Variants in SYNE1 observed in about 807,000 individuals in gnomAD.
SYNE1 encodes the protein nesprin-1.
In SYNE1, 616 loss-of-function variants were observed where a neutral mutation model predicts 1,111.0. The observed-to-expected ratio is 0.55, with a 90% CI of 0.52 to 0.59. The LOEUF (loss-of-function observed/expected upper bound fraction) is 0.59, where lower values mean the gene tolerates loss of function less well. Among genes scored for constraint, SYNE1 ranks in the 20% least tolerant of loss-of-function variants. The probability of loss-of-function intolerance (pLI) is 0.00; values close to 1 mark genes in which losing one functional copy is unlikely to be tolerated. For missense variants in SYNE1, 10,006 were observed against 10,417.0 expected (o/e 0.96, Z 1.72); for synonymous variants, 3,855 against 3,825.8 (o/e 1.01, Z -0.28).
chr6:152,139,885 T>C, intron 140 of SYNE1, 65 bp downstream of exon 140: 2 of 1,572,986 alleles, frequency 1.3e-6, no homozygotes, highest in South Asian at 1.1e-5. Flanking sequence ...AGAGGTGCCA[T>C]CTGCACGGTC....
Position 152,206,390 on chromosome 6 carries a change from C to T in SYNE1, c.22825-28G>A, listed in dbSNP as rs757337651. The T allele has an allele frequency of 3.1e-6, 5 of 1,611,792 alleles. No individual in the cohort carries two copies. In the South Asian group the frequency reaches 5.5e-5, roughly 18 times the overall value. ...GAAAGGAACCATAGCTTTTTATTTT[C>T]TCATTCTTTCTTTCATCGTTTCCTT... On this transcript the variant is annotated intron_variant, in intron 125 of 145. Coordinates refer to ENST00000367255, the MANE Select transcript of SYNE1 (RefSeq NM_182961.4).
chr6:152,278,484 A>T (rs537992044), intron 97 of SYNE1, among the ~76,000 whole-genome samples: 1 of 151,344 alleles, frequency 6.6e-6, no homozygotes, highest in African/African-American at 2.4e-5. Context: ...ATTTTTTTAG[A>T]CAGAATCTCA....
At chr6:152,391,676 C>CTCAT in intron 51 of SYNE1, 108 bp from the exon 52 acceptor site, 10 of 1,302,692 alleles carry the variant, frequency 7.7e-6, no homozygotes, top group Non-Finnish European at 1.0e-5. Context: ...CAGACACAGG[C>CTCAT]TCATAGCTGA....
chr6:152,236,045 AC>A (rs1179085017), intron 110 of SYNE1, 61 bp downstream of exon 110: 2 of 1,560,860 alleles, frequency 1.3e-6, no homozygotes, highest in Non-Finnish European at 1.8e-6. Flanking sequence ...CCCCACCCGC[AC>A]TAGCCTTATT....
At chr6:152,151,218 T>A (rs1387721114) in intron 135 of SYNE1, among the ~76,000 whole-genome samples, 2 of 145,976 alleles carry the variant, frequency 1.4e-5, no homozygotes, top group African/African-American at 2.6e-5. Flanking sequence ...TGAGACTCTC[T>A]CTAAAAAAAA....
intron 14 of SYNE1, among the ~76,000 whole-genome samples, chr6:152,482,474 A>G (rs753637563): frequency 6.6e-6 from 1 of 152,216 alleles, no homozygotes; most frequent in Non-Finnish European, 1.5e-5. Context: ...CAATTGCATA[A>G]AATGCAAGAT....
In SYNE1 at chr6:152,309,819, G is replaced by A. The variant is rs772769213; in HGVS notation, c.17202+16C>T. ...CATCAGCAATTGCTCTACTGGTGTG[G>A]GTACCCTGCACCTGCCTGCATGATG... On this transcript the variant is annotated intron_variant, in intron 90 of 145. Coordinates refer to ENST00000367255, the MANE Select transcript of SYNE1 (RefSeq NM_182961.4). The A allele has an allele frequency of 2.0e-5, 32 of 1,612,960 alleles. No homozygotes were observed. Among genetic ancestry groups the A allele is most frequent in the Middle Eastern group, 1.7e-4 (1 of 5,856 alleles).
intron 127 of SYNE1, among the ~76,000 whole-genome samples, chr6:152,200,195 A>G (rs771272636): frequency 6.6e-6 from 1 of 152,186 alleles, no homozygotes; most frequent in Non-Finnish European, 1.5e-5. Flanking sequence ...GTGTGGCAAA[A>G]ATATAGCCTG....
At chr6:152,171,297 G>A (rs1255444846) in intron 130 of SYNE1, among the ~76,000 whole-genome samples, 5 of 152,202 alleles carry the variant, frequency 3.3e-5, no homozygotes, top group Admixed American at 3.3e-4. Flanking sequence ...GAAGCCCGAA[G>A]CCAATGCTTT....
rs192640320 is a variant in SYNE1 at position 152,236,249 on chromosome 6, C to A, written c.20254G>T (p.Asp6752Tyr). 5 of 1,614,062 alleles carry A rather than the reference C, an allele frequency of 3.1e-6. No homozygotes were observed. In the African/African-American group the frequency reaches 4.0e-5, roughly 13 times the overall value. ...ATGGATATCAGAAGTCGTTTCCCAT[C>A]ATCTAATACTTGATATAATTTGGGC... ...YQPKLYQVLD[D>Y]GKRLLISISC... The change falls in exon 110 of 146, where the codon GAT (aspartate) becomes TAT (tyrosine). Residue 6752 changes from aspartate to tyrosine, a missense_variant. Asp to Tyr is a radical substitution (Grantham distance 160, BLOSUM62 -3). This residue lies in a region of SYNE1 where 2,182 missense variants were observed against 2,287.8 expected (regional missense o/e 0.95). Coordinates refer to ENST00000367255, the MANE Select transcript of SYNE1 (RefSeq NM_182961.4).
intron 66 of SYNE1, among the ~76,000 whole-genome samples, chr6:152,355,606 A>G (rs2154052642): frequency 6.8e-6 from 1 of 147,132 alleles, no homozygotes; most frequent in East Asian, 2.1e-4. Context: ...ATTTAGTATA[A>G]ATCAAGTTTT....
At chr6:152,547,326 A>G (rs2099318837) in intron 3 of SYNE1, among the ~76,000 whole-genome samples, 1 of 152,254 alleles carries the variant, frequency 6.6e-6, no homozygotes, top group Non-Finnish European at 1.5e-5. Context: ...GGAGATTGGA[A>G]GGACACAAAG....
At chr6:152,615,827 C>T (rs146063442) in intron 3 of SYNE1, among the ~76,000 whole-genome samples, 1 of 152,148 alleles carries the variant, frequency 6.6e-6, no homozygotes, top group African/African-American at 2.4e-5. Flanking sequence ...GTTTTCACAC[C>T]TTTTGACTTT....
intron 96 of SYNE1, among the ~76,000 whole-genome samples, chr6:152,282,207 C>T (rs2094073295): frequency 6.6e-6 from 1 of 152,014 alleles, no homozygotes; most frequent in African/African-American, 2.4e-5. Context: ...TTAATGTGTA[C>T]CTAGAGTTGA....
intron 99 of SYNE1, among the ~76,000 whole-genome samples, chr6:152,268,594 T>C (rs927953784): frequency 6.6e-6 from 1 of 152,206 alleles, no homozygotes; most frequent in African/African-American, 2.4e-5. Flanking sequence ...TCATTATTTA[T>C]AATAAATCCT....
chr6:152,149,945 A>G (rs1329619080), intron 135 of SYNE1, among the ~76,000 whole-genome samples: 1 of 152,212 alleles, frequency 6.6e-6, no homozygotes, highest in Non-Finnish European at 1.5e-5. Context: ...GTGGGTAGAG[A>G]ATAACAGGGG....
At chr6:152,534,170 A>G (rs6925921) in intron 4 of SYNE1, among the ~76,000 whole-genome samples, 2,555 of 146,162 alleles carry the variant, frequency 0.017, 73 homozygotes, top group African/African-American at 0.062. Flanking sequence ...AAAAATAAAT[A>G]AATGAATGAA....
chr6:152,342,405 T>C (rs985420818), intron 74 of SYNE1, among the ~76,000 whole-genome samples: 20 of 152,216 alleles, frequency 1.3e-4, no homozygotes, highest in African/African-American at 4.1e-4. Context: ...AAGTAGAATA[T>C]AGGCAGTCTT....
chr6:152,132,833 A>C (rs144346925), intron 143 of SYNE1, among the ~76,000 whole-genome samples: 1 of 152,004 alleles, frequency 6.6e-6, no homozygotes, highest in East Asian at 1.9e-4. Flanking sequence ...TTGTAGAAAA[A>C]AAAATATAAA....
Sources: allele counts gnomAD v4.1 joint callset (sites outside exome capture counted in the v4.1 genomes callset), GRCh38; gene constraint gnomAD v4.1.1; regional missense constraint gnomAD v4.1.1; transcripts MANE v1.5; gene names NCBI Gene and HGNC (gene_info 2026-07-23, HGNC 2026-07-21).